Variants in PINX1 observed in about 807,000 individuals in gnomAD.
PINX1 encodes PIN2/TERF1-interacting telomerase inhibitor 1.
A neutral mutation model predicts 25.4 loss-of-function variants in PINX1; 34 were observed. That is an observed-to-expected ratio of 1.34 (90% confidence interval 1.02 to 1.78). PINX1 has a LOEUF of 1.78. PINX1 is among the 40% of genes most tolerant of loss of function. The pLI is 0.00. For synonymous variants in PINX1, 197 were observed against 147.7 expected (o/e 1.33, Z -2.42); for missense variants, 592 against 404.9 (o/e 1.46, Z -3.97).
intron 4 of PINX1, among the ~76,000 whole-genome samples, chr8:10,828,433 G>C (rs1029168641): frequency 2.6e-4 from 40 of 152,276 alleles, no homozygotes; most frequent in African/African-American, 8.7e-4. Flanking sequence ...CACTCCATAA[G>C]AGAGCTGCTG....
chr8:10,838,339 T>C (rs1013653338), intron 1 of PINX1, among the ~76,000 whole-genome samples: 5 of 152,242 alleles, frequency 3.3e-5, no homozygotes, highest in African/African-American at 7.2e-5. Context: ...TTTGACAATT[T>C]GGAATAACGT....
In PINX1 at chr8:10,839,814, G is replaced by T. The variant is rs1207086884; in HGVS notation, c.-58C>A. 2.6e-6 allele frequency: 4 copies of T among 1,546,050 alleles called. No individual in the cohort carries two copies. The highest frequency in any genetic ancestry group is 2.4e-5 in the East Asian group (1 of 42,552). ...CCTGGGTGACTGCGGCCACTGGGCG[G>T]GCTGGAGACTCCAGGAGAATCAGGA... On this transcript the variant is annotated 5_prime_UTR_variant, in exon 1 of 7. Transcript: ENST00000314787.
At chr8:10,833,824 G>C (rs79490891) in intron 2 of PINX1, 2,777 of 129,122 alleles carry the variant, frequency 0.022, 8 homozygotes, top group African/African-American at 0.035. Flanking sequence ...ATGACTGTCA[G>C]GTTTCTGGCT....
chr8:10,831,504 A>G (rs975783255), intron 4 of PINX1, among the ~76,000 whole-genome samples, 161 bp downstream of exon 4: 1 of 152,242 alleles, frequency 6.6e-6, no homozygotes, highest in African/African-American at 2.4e-5. Flanking sequence ...GTTGATGAAC[A>G]TAACACATGT....
Position 10,820,279 on chromosome 8 carries a change from C to A in PINX1, c.395-10G>T, listed in dbSNP as rs1391220427. On this transcript the variant is annotated splice_polypyrimidine_tract_variant and intron_variant, in intron 5 of 6. Transcript: ENST00000314787. ...GATGACAGATCCTTCCCTAGAAAAA[C>A]AATGTGATGCTTTTCAGTAAGACTG... The A allele has an allele frequency of 6.3e-7, 1 of 1,586,556 alleles. No individual in the cohort carries two copies. Among genetic ancestry groups the A allele is most frequent in the Non-Finnish European group, 8.7e-7 (1 of 1,155,852 alleles).
chr8:10,796,629 T>C (rs1445815694), intron 6 of PINX1, among the ~76,000 whole-genome samples: 2 of 152,018 alleles, frequency 1.3e-5, no homozygotes, highest in Non-Finnish European at 2.9e-5. Context: ...ACTTGCTCAC[T>C]CCAGACAGGT....
intron 6 of PINX1, among the ~76,000 whole-genome samples, chr8:10,804,482 T>C (rs1802374334): frequency 6.6e-6 from 1 of 151,888 alleles, no homozygotes; most frequent in Non-Finnish European, 1.5e-5. Flanking sequence ...GGGTCTGGTG[T>C]GTGTGTTAAG....
chr8:10,777,823 C>T (rs1801441960), intron 6 of PINX1, among the ~76,000 whole-genome samples: 1 of 152,188 alleles, frequency 6.6e-6, no homozygotes, highest in African/African-American at 2.4e-5. Flanking sequence ...GGCTCCTGGG[C>T]ACGTAGCACA....
chr8:10,770,547 G>A (rs1490808449), intron 6 of PINX1, among the ~76,000 whole-genome samples: 1 of 152,194 alleles, frequency 6.6e-6, no homozygotes, highest in Non-Finnish European at 1.5e-5. Context: ...GCAGCTACAT[G>A]AGTGAGTATC....
chr8:10,809,854 C>T (rs191610783), intron 6 of PINX1, among the ~76,000 whole-genome samples: 1 of 152,310 alleles, frequency 6.6e-6, no homozygotes, highest in East Asian at 1.9e-4. Context: ...TTTTGTATTG[C>T]TATAAAGAAA....
intron 6 of PINX1, among the ~76,000 whole-genome samples, chr8:10,814,352 G>A (rs1019794889): frequency 6.6e-6 from 1 of 152,194 alleles, no homozygotes; most frequent in East Asian, 1.9e-4. Context: ...ATTCAGCAGG[G>A]AAACAGCGCC....
intron 6 of PINX1, among the ~76,000 whole-genome samples, chr8:10,770,645 A>T (rs542557016): frequency 1.3e-5 from 2 of 152,322 alleles, no homozygotes; most frequent in African/African-American, 2.4e-5. Context: ...ACAATGCCCA[A>T]ATAGAGAGGA....
At chr8:10,783,665 T>C (rs1801661334) in intron 6 of PINX1, among the ~76,000 whole-genome samples, 1 of 152,174 alleles carries the variant, frequency 6.6e-6, no homozygotes, top group South Asian at 2.1e-4. Context: ...GATTATACCT[T>C]ACCCATTTAA....
At chr8:10,837,253 TCTCA>T (rs1798431936) in intron 1 of PINX1, among the ~76,000 whole-genome samples, 1 of 152,070 alleles carries the variant, frequency 6.6e-6, no homozygotes, top group Non-Finnish European at 1.5e-5. Context: ...GCACCGAGTC[TCTCA>T]CTAGCTTCCC....
chr8:10,828,671 G>A (rs969006124), intron 4 of PINX1, among the ~76,000 whole-genome samples: 3 of 152,178 alleles, frequency 2.0e-5, no homozygotes, highest in Non-Finnish European at 2.9e-5. Context: ...AGCACCGCCA[G>A]GCCTTGAGGA....
chr8:10,831,183 A>G (rs1378620586), intron 4 of PINX1, among the ~76,000 whole-genome samples: 1 of 152,266 alleles, frequency 6.6e-6, no homozygotes, highest in Non-Finnish European at 1.5e-5. Context: ...GAAATAAGCC[A>G]GGCACAGATA....
intron 5 of PINX1, chr8:10,822,127 G>A (rs931062651): frequency 2.0e-5 from 3 of 152,116 alleles, no homozygotes; most frequent in African/African-American, 7.2e-5. Flanking sequence ...GATTTGATCT[G>A]GAAAACAAGA....
chr8:10,823,150 T>A (rs972349548), intron 5 of PINX1, among the ~76,000 whole-genome samples: 7 of 152,174 alleles, frequency 4.6e-5, no homozygotes, highest in Admixed American at 4.6e-4. Flanking sequence ...TGAATGCTCC[T>A]CACTACCAGT....
intron 6 of PINX1, among the ~76,000 whole-genome samples, chr8:10,818,224 G>A (rs1797758887): frequency 6.6e-6 from 1 of 152,152 alleles, no homozygotes; most frequent in Non-Finnish European, 1.5e-5. Context: ...ACACGATGTT[G>A]CATCAAGGTT....
Sources: allele counts gnomAD v4.1 joint callset (sites outside exome capture counted in the v4.1 genomes callset), GRCh38; gene constraint gnomAD v4.1.1; transcripts MANE v1.5; gene names NCBI Gene and HGNC (gene_info 2026-07-23, HGNC 2026-07-21).